The following ATOH8 variants were observed in gnomAD, a reference collection of about 807,000 sequenced individuals.
ATOH8 encodes transcription factor ATOH8.
A neutral mutation model predicts 21.2 loss-of-function variants in ATOH8; 9 were observed. The observed-to-expected ratio is 0.42, with a 90% CI of 0.26 to 0.74. ATOH8 has a LOEUF of 0.74. ATOH8 is among the 30% of genes least tolerant of loss of function. The pLI is 0.24. For missense variants in ATOH8, 524 were observed against 470.9 expected, an observed-to-expected ratio of 1.11 and a Z score of -1.04; for synonymous variants, 253 against 224.0, an observed-to-expected ratio of 1.13 and a Z score of -1.16.
At chr2:85,760,666 G>T (rs1269021628) in intron 1 of ATOH8, 1 of 152,222 alleles carries the variant, frequency 6.6e-6, no homozygotes, top group Non-Finnish European at 1.5e-5. Context: ...CTTAAAAGAT[G>T]AATACAGACA....
rs758099463 is a variant in ATOH8 at position 85,754,932 on chromosome 2, C to T, written c.743C>T (p.Ala248Val). The change falls in exon 1 of 3, where the codon GCA becomes GTA. Residue 248 changes from alanine (A) to valine (V), a missense_variant. Coordinates refer to ENST00000306279, the MANE Select transcript of ATOH8 (RefSeq NM_032827.7). ...CGGACGCGGGTGCACACCATCAGCGCAGCCTTCGAGGCGCTCAGGAAGCAG... is the reference window on the plus strand; with the variant it reads ...CGGACGCGGGTGCACACCATCAGCGTAGCCTTCGAGGCGCTCAGGAAGCAG... ...RERTRVHTIS[A>V]AFEALRKQVP... The T allele has an allele frequency of 2.5e-6, 4 of 1,604,024 alleles. No individual in the cohort carries two copies. Among genetic ancestry groups the T allele is most frequent in the South Asian group, 2.2e-5 (2 of 90,740 alleles).
chr2:85,770,376 C>T (rs1387354408), intron 2 of ATOH8, among the ~76,000 whole-genome samples: 1 of 151,160 alleles, frequency 6.6e-6, no homozygotes, highest in African/African-American at 2.4e-5. Flanking sequence ...AACCCCCTCC[C>T]GGCCCAGTTA....
intron 1 of ATOH8, among the ~76,000 whole-genome samples, chr2:85,761,773 C>T (rs1216362958): frequency 6.6e-6 from 1 of 152,210 alleles, no homozygotes; most frequent in Non-Finnish European, 1.5e-5. Flanking sequence ...AGACCCCCTT[C>T]CCTGCCCCAG....
chr2:85,763,645 G>A (rs941629753), intron 1 of ATOH8, among the ~76,000 whole-genome samples: 6 of 152,248 alleles, frequency 3.9e-5, no homozygotes, highest in African/African-American at 1.4e-4. Context: ...AAAACAAAAT[G>A]CCTCTCAGGA....
At chr2:85,765,142 A>C (rs1025320432) in intron 2 of ATOH8, among the ~76,000 whole-genome samples, 1 of 152,174 alleles carries the variant, frequency 6.6e-6, no homozygotes, top group African/African-American at 2.4e-5. Context: ...CTTCAGGGAG[A>C]GCAACAGAGA....
At chr2:85,779,813 A>G (rs1680434649) in intron 2 of ATOH8, among the ~76,000 whole-genome samples, 1 of 152,208 alleles carries the variant, frequency 6.6e-6, no homozygotes, top group Non-Finnish European at 1.5e-5. Context: ...CATGCAAACA[A>G]GTGTGGCACG....
intron 1 of ATOH8, among the ~76,000 whole-genome samples, chr2:85,757,076 T>C (rs1225022612): frequency 6.6e-6 from 1 of 152,268 alleles, no homozygotes; most frequent in Non-Finnish European, 1.5e-5. Flanking sequence ...TCCTTACACG[T>C]GCTCAAGAGC....
intron 2 of ATOH8, among the ~76,000 whole-genome samples, chr2:85,771,619 G>A (rs991614748): frequency 1.3e-5 from 2 of 152,126 alleles, no homozygotes; most frequent in Non-Finnish European, 2.9e-5. Context: ...TTAGCATAGG[G>A]TGCAGCCTGC....
chr2:85,771,574 C>T (rs1454364401), intron 2 of ATOH8, among the ~76,000 whole-genome samples: 5 of 152,192 alleles, frequency 3.3e-5, no homozygotes, highest in African/African-American at 1.2e-4. Context: ...TCTTTCCCCT[C>T]TAGCACTTCA....
chr2:85,764,610 G>A (rs1679956933), intron 2 of ATOH8, among the ~76,000 whole-genome samples: 1 of 152,216 alleles, frequency 6.6e-6, no homozygotes, highest in Non-Finnish European at 1.5e-5. Flanking sequence ...CTTGGCCTGT[G>A]GGTTATCTGA....
chr2:85,755,095 TG>T lies in ATOH8; in HGVS notation c.768+139del, dbSNP rs1351952202. 2.5e-6 allele frequency: 3 copies of T among 1,204,160 alleles called. No individual in the cohort carries two copies. The African/African-American group carries it at 4.6e-5, about 19-fold the overall frequency. The allele number at this position is 1,204,160 out of a possible 1,614,324, so 74.6% of individuals were successfully genotyped here. On this transcript the variant is annotated intron_variant, in intron 1 of 2. Coordinates refer to ENST00000306279, the MANE Select transcript of ATOH8 (RefSeq NM_032827.7). ...GGTCCGACCCTGGTGCCCAGACAGG[TG>T]TGGGCAGTCCTAGGGTATGGATCAT...
chr2:85,780,941 C>T (rs768641033), intron 2 of ATOH8: 45 of 987,086 alleles, frequency 4.6e-5, no homozygotes, highest in Non-Finnish European at 4.8e-5. Flanking sequence ...TGCTGGAGGC[C>T]GACTGGTCCA....
chr2:85,779,168 G>C (rs982301796), intron 2 of ATOH8, among the ~76,000 whole-genome samples: 2 of 152,268 alleles, frequency 1.3e-5, no homozygotes, highest in Non-Finnish European at 1.5e-5. Flanking sequence ...CTGGCATCTG[G>C]AAGAGCAGTG....
At position 85,761,247 on chromosome 2, in the gene ATOH8, G is replaced by A. The variant is rs75906248; in HGVS notation, c.769-2744G>A. ...GTCAGATGAGTTTCAGGCTCCAGCC[G>A]GGTCTTAGCTGAGTGATCTGGGGCC... On this transcript the variant is annotated intron_variant, in intron 1 of 2. Coordinates refer to ENST00000306279, the MANE Select transcript of ATOH8 (RefSeq NM_032827.7). Among the ~76,000 whole-genome samples the A allele has an allele frequency of 5.3e-5, 8 of 152,316 alleles. No individual in the cohort carries two copies. The East Asian group carries it at 7.7e-4, about 15-fold the overall frequency.
rs190805057 is a variant in ATOH8, at chr2:85,789,556, T to C, written c.*2666T>C. Among the ~76,000 whole-genome samples, 81 of 152,304 alleles carry C rather than the reference T, an allele frequency of 5.3e-4. No homozygotes were observed. Among genetic ancestry groups the C allele is most frequent in the Non-Finnish European group, 1.0e-3 (69 of 68,030 alleles). ...AGGGGAGTAGGAAAAGGGCTTTCTA[T>C]GCAGAGGAGCACTCAGCGCTGGCAG... On this transcript the variant is annotated 3_prime_UTR_variant, in exon 3 of 3. Transcript: ENST00000306279.
chr2:85,765,274 C>G (rs575842830), intron 2 of ATOH8, among the ~76,000 whole-genome samples: 2 of 152,348 alleles, frequency 1.3e-5, no homozygotes, highest in East Asian at 3.9e-4. Flanking sequence ...GCCCCTCCCC[C>G]ATCCCTGACA....
In ATOH8 at chr2:85,786,987, T is replaced by C. The variant is rs1010046516; in HGVS notation, c.*97T>C. Reference sequence around the variant, plus strand: ...CGCTGAGTCCAGCCTCGTGGTCTTCTCCAAGATGCCGCCAGATGCCCAGCC... The same window carrying C: ...CGCTGAGTCCAGCCTCGTGGTCTTCCCCAAGATGCCGCCAGATGCCCAGCC... On this transcript the variant is annotated 3_prime_UTR_variant, in exon 3 of 3. Coordinates refer to ENST00000306279, the MANE Select transcript of ATOH8 (RefSeq NM_032827.7). The C allele has an allele frequency of 1.9e-6, 3 of 1,539,350 alleles. No individual in the cohort carries two copies. Among genetic ancestry groups the C allele is most frequent in the South Asian group, 1.1e-5 (1 of 88,040 alleles).
At chr2:85,779,780 C>T (rs1358022647) in intron 2 of ATOH8, among the ~76,000 whole-genome samples, 1 of 152,208 alleles carries the variant, frequency 6.6e-6, no homozygotes, top group Non-Finnish European at 1.5e-5. Context: ...GTAGGCACCT[C>T]CCAGGAATTG....
intron 2 of ATOH8, chr2:85,774,037 G>T: frequency 1.0e-6 from 1 of 955,236 alleles, no homozygotes; most frequent in Non-Finnish European, 1.2e-6. Context: ...ACCCTGATTA[G>T]TTATCATGAA....
Sources: allele counts gnomAD v4.1 joint callset (sites outside exome capture counted in the v4.1 genomes callset), GRCh38; gene constraint gnomAD v4.1.1; transcripts MANE v1.5; gene names NCBI Gene and HGNC (gene_info 2026-07-23, HGNC 2026-07-21).